The following PHACTR3 variants were observed in gnomAD, a reference collection of about 807,000 sequenced individuals.
The protein encoded by PHACTR3 is phosphatase and actin regulator 3.
PHACTR3 carries 16 observed loss-of-function variants against 66.8 expected under a neutral mutation model. The ratio of observed to expected loss-of-function variants is 0.24; its 90% CI spans 0.16 to 0.36. The LOEUF (loss-of-function observed/expected upper bound fraction) is 0.36. Among genes scored for constraint, PHACTR3 ranks in the 10% least tolerant of loss-of-function variants. The pLI is 1.00. For synonymous variants in PHACTR3, 323 were observed against 292.1 expected (o/e 1.11, Z -1.08); for missense variants, 647 against 719.9 (o/e 0.90, Z 1.16).
chr20:59,668,455 GGGT>G (rs2036072776), intron 1 of PHACTR3, among the ~76,000 whole-genome samples: 1 of 152,140 alleles, frequency 6.6e-6, no homozygotes, highest in African/African-American at 2.4e-5. Flanking sequence ...TGCCTCGTTT[GGGT>G]CATTGGCCTT....
chr20:59,666,761 C>A (rs146153315), intron 1 of PHACTR3, among the ~76,000 whole-genome samples: 1 of 152,194 alleles, frequency 6.6e-6, no homozygotes, highest in Non-Finnish European at 1.5e-5. Flanking sequence ...GAAGCAGGGG[C>A]GGGAGCCCAC....
At chr20:59,683,371 G>A (rs1379402430) in intron 1 of PHACTR3, among the ~76,000 whole-genome samples, 1 of 152,182 alleles carries the variant, frequency 6.6e-6, no homozygotes, top group African/African-American at 2.4e-5. Flanking sequence ...CTGTGCATTC[G>A]GGAGGCCGCA....
chr20:59,840,237 C>T (rs374331581), intron 9 of PHACTR3, 132 bp from the exon 10 acceptor site: 1 of 1,388,494 alleles, frequency 7.2e-7, no homozygotes, highest in Non-Finnish European at 9.5e-7. Context: ...GAAGAAAACA[C>T]CATGAGTGAT....
Position 59,674,594 on chromosome 20 carries a change from TCCCCGCTTC to T in PHACTR3, c.119-68512_119-68504del, listed in dbSNP as rs1431722362. 4.4e-4 allele frequency among the ~76,000 whole-genome samples: 17 copies of T among 38,540 alleles called. 1 individual carries two copies. In the South Asian group the frequency reaches 6.5e-3, roughly 15 times the overall value. The allele number at this position is 38,540 out of a possible 152,430, so 25.3% of individuals were successfully genotyped here. ...CTTCTCCTGTTCCCCCCTTCTCCTG[TCCCCGCTTC>T]TCCTGTTCCCCCCTTCTCCTGTCCC... On this transcript the variant is annotated intron_variant, in intron 1 of 12. Transcript: ENST00000371015.
intron 1 of PHACTR3, among the ~76,000 whole-genome samples, chr20:59,615,132 A>C (rs905256835): frequency 6.6e-6 from 1 of 152,138 alleles, no homozygotes; most frequent in Non-Finnish European, 1.5e-5. Flanking sequence ...GTTCTTTCCA[A>C]TCAAGCTTAT....
chr20:59,580,374 G>A (rs143202742), intron 1 of PHACTR3, among the ~76,000 whole-genome samples: 1 of 152,114 alleles, frequency 6.6e-6, no homozygotes. Context: ...CTGAAGCTCA[G>A]CTTCCATGAT....
intron 8 of PHACTR3, among the ~76,000 whole-genome samples, chr20:59,828,556 A>C (rs1016476086): frequency 6.6e-6 from 1 of 152,202 alleles, no homozygotes; most frequent in African/African-American, 2.4e-5. Context: ...GGGACAAGAC[A>C]GAACAATTGT....
At chr20:59,616,710 G>A (rs2034038001) in intron 1 of PHACTR3, among the ~76,000 whole-genome samples, 1 of 152,222 alleles carries the variant, frequency 6.6e-6, no homozygotes, top group South Asian at 2.1e-4. Flanking sequence ...GCTCAGGAAG[G>A]AAACTGCATG....
intron 1 of PHACTR3, among the ~76,000 whole-genome samples, chr20:59,663,059 G>A (rs754817738): frequency 2.0e-5 from 3 of 152,220 alleles, no homozygotes; most frequent in Non-Finnish European, 2.9e-5. Context: ...CCTCTCTAGC[G>A]TCTGGGGGCT....
rs564309919 is a variant in PHACTR3, at chr20:59,789,415, G to A, written c.1174+14925G>A. Among the ~76,000 whole-genome samples, 2 of 152,328 alleles carry A rather than the reference G, an allele frequency of 1.3e-5. 1 individual carries two copies. The highest frequency in any genetic ancestry group is 4.8e-5 in the African/African-American group (2 of 41,574). ...TGTGAGCATGACAGCTGAAGGTCAGGGGGTGCTAGGAGATGTTGGGAGTTC... is the reference window on the plus strand; with the variant it reads ...TGTGAGCATGACAGCTGAAGGTCAGAGGGTGCTAGGAGATGTTGGGAGTTC... On this transcript the variant is annotated intron_variant, in intron 7 of 12. Coordinates refer to ENST00000371015, the MANE Select transcript of PHACTR3 (RefSeq NM_080672.5).
chr20:59,772,884 G>T (rs541900518), intron 5 of PHACTR3, among the ~76,000 whole-genome samples: 8 of 152,304 alleles, frequency 5.3e-5, no homozygotes, highest in Admixed American at 2.6e-4. Flanking sequence ...GGGCAGAGCG[G>T]ACCATGGTGC....
intron 3 of PHACTR3, among the ~76,000 whole-genome samples, chr20:59,754,310 T>G (rs1477201193): frequency 2.0e-5 from 3 of 152,222 alleles, no homozygotes; most frequent in East Asian, 1.9e-4. Context: ...CACCAGGTCC[T>G]TCCTTATGCC....
Position 59,582,347 on chromosome 20 carries a change from C to T in PHACTR3, c.109+4730C>T, listed in dbSNP as rs929626092. ...ATGGCTGTTTTCGCCTTTCTGCTACCGATGGCCATGGAGGTCCCTCTCAGA... is the reference window on the plus strand; with the variant it reads ...ATGGCTGTTTTCGCCTTTCTGCTACTGATGGCCATGGAGGTCCCTCTCAGA... On this transcript the variant is annotated intron_variant, in intron 1 of 12. Coordinates refer to the PHACTR3 transcript ENST00000359926. 4.6e-5 allele frequency among the ~76,000 whole-genome samples: 7 copies of T among 152,312 alleles called. No individual in the cohort carries two copies. In the South Asian group the frequency reaches 6.2e-4, roughly 14 times the overall value.
chr20:59,774,266 G>A lies in PHACTR3; in HGVS notation c.950G>A (p.Gly317Glu). The change falls in exon 7 of 13, where the codon GGG (glycine) becomes GAG (glutamate). Residue 317 changes from glycine (G) to glutamate (E), a missense_variant. By Grantham distance (98) the Gly-to-Glu change is moderately conservative. Transcript: ENST00000371015. ...AGTTTTCAAGGAAGAGAAAGTAAAG[G>A]GTCTCCAAAGAAGCGGCTGGATGTC... ...QDSFQGRESK[G>E]SPKKRLDVRL... 5 of 1,601,478 alleles carry A rather than the reference G, an allele frequency of 3.1e-6. No homozygotes were observed. The highest frequency in any genetic ancestry group is 4.3e-6 in the Non-Finnish European group (5 of 1,174,794).
At chr20:59,649,428 C>A (rs1165600530) in intron 1 of PHACTR3, among the ~76,000 whole-genome samples, 1 of 152,110 alleles carries the variant, frequency 6.6e-6, no homozygotes, top group Non-Finnish European at 1.5e-5. Context: ...ATAGCAGCAA[C>A]ATGTTTTCTT....
chr20:59,745,810 A>G (rs1200514354), intron 2 of PHACTR3, among the ~76,000 whole-genome samples: 2 of 152,174 alleles, frequency 1.3e-5, no homozygotes, highest in Non-Finnish European at 2.9e-5. Flanking sequence ...TACCACCTTC[A>G]CAAGCTGCAC....
chr20:59,692,417 G>A (rs1297467005), intron 1 of PHACTR3, among the ~76,000 whole-genome samples: 1 of 152,224 alleles, frequency 6.6e-6, no homozygotes, highest in East Asian at 1.9e-4. Context: ...GATTTTGACT[G>A]TCGCTTGCCA....
At chr20:59,784,806 G>T (rs2040847959) in intron 7 of PHACTR3, among the ~76,000 whole-genome samples, 1 of 152,176 alleles carries the variant, frequency 6.6e-6, no homozygotes, top group South Asian at 2.1e-4. Context: ...TGCCTTATAG[G>T]GCTGCGGGGA....
chr20:59,774,568 C>G, intron 7 of PHACTR3, 78 bp downstream of exon 7: 2 of 1,527,710 alleles, frequency 1.3e-6, no homozygotes, highest in Non-Finnish European at 8.8e-7. Context: ...GGACAGAGCT[C>G]GTGCCTGGGG....
Sources: allele counts gnomAD v4.1 joint callset (sites outside exome capture counted in the v4.1 genomes callset), GRCh38; gene constraint gnomAD v4.1.1; transcripts MANE v1.5; gene names NCBI Gene and HGNC (gene_info 2026-07-23, HGNC 2026-07-21).